Variants in STT3B observed in about 807,000 individuals in gnomAD.
STT3B encodes the protein dolichyl-diphosphooligosaccharide--protein glycosyltransferase subunit STT3B.
In STT3B, 29 loss-of-function variants were observed where a neutral mutation model predicts 96.8. The observed-to-expected ratio is 0.30, with a 90% CI of 0.22 to 0.41. The LOEUF (loss-of-function observed/expected upper bound fraction) is 0.41, where lower values mean the gene tolerates loss of function less well. Ranked by LOEUF, STT3B falls within the 10% of genes least tolerant of loss-of-function variation. STT3B has a pLI of 1.00. For synonymous variants in STT3B, 367 were observed against 360.0 expected, an observed-to-expected ratio of 1.02 and a Z score of -0.22; for missense variants, 640 against 1,022.3, an observed-to-expected ratio of 0.63 and a Z score of 5.10.
rs1473745345 is a variant in STT3B, at chr3:31,584,380, C to G, written c.711+4284C>G. On this transcript the variant is annotated intron_variant, in intron 3 of 15. Coordinates refer to ENST00000295770, the MANE Select transcript of STT3B (RefSeq NM_178862.3). ...GCATAAGTCCTTCAACTTTGTTGTT[C>G]TTTTTCAAGATTGCTTTGGCTATAT... Among the ~76,000 whole-genome samples the G allele has an allele frequency of 9.9e-5, 15 of 152,082 alleles. No homozygotes were observed. The East Asian group carries it at 2.7e-3, about 27-fold the overall frequency.
intron 3 of STT3B, among the ~76,000 whole-genome samples, chr3:31,583,331 T>C (rs1479451881): frequency 6.6e-6 from 1 of 152,098 alleles, no homozygotes; most frequent in Non-Finnish European, 1.5e-5. Context: ...ATTCAAAGTC[T>C]GTTTTTTCTT....
At chr3:31,573,589 A>G (rs564571200) in intron 1 of STT3B, among the ~76,000 whole-genome samples, 1 of 152,308 alleles carries the variant, frequency 6.6e-6, no homozygotes, top group Non-Finnish European at 1.5e-5. Flanking sequence ...CGGTAAGAGA[A>G]TACTGAAAGC....
chr3:31,617,759 A>G (rs1345956406), intron 7 of STT3B, among the ~76,000 whole-genome samples, 181 bp from the exon 8 acceptor site: 1 of 152,014 alleles, frequency 6.6e-6, no homozygotes, highest in Non-Finnish European at 1.5e-5. Flanking sequence ...TTTTTATTTG[A>G]TCACTACCTT....
intron 1 of STT3B, among the ~76,000 whole-genome samples, chr3:31,571,607 G>A (rs1454657403): frequency 1.3e-5 from 2 of 152,070 alleles, no homozygotes; most frequent in African/African-American, 4.8e-5. Flanking sequence ...TCTGTTACCT[G>A]TGATGTGTGA....
At chr3:31,587,318 T>A (rs993284966) in intron 3 of STT3B, among the ~76,000 whole-genome samples, 6 of 152,100 alleles carry the variant, frequency 3.9e-5, no homozygotes, top group African/African-American at 1.4e-4. Context: ...CCCCCAGCCC[T>A]TAGCAACCGG....
rs1011999451 is a variant in STT3B, at chr3:31,565,007, A to G, written c.315-11389A>G. On this transcript the variant is annotated intron_variant, in intron 1 of 15. Coordinates refer to ENST00000295770, the MANE Select transcript of STT3B (RefSeq NM_178862.3). ...TCTTGGAAGATGTTGCAAATAATGG[A>G]CAATAGAAACAATAGGCTTAACCTT... is the stretch of plus-strand genomic sequence containing the variant. Among the ~76,000 whole-genome samples the G allele has an allele frequency of 7.2e-5, 11 of 152,306 alleles. No individual in the cohort carries two copies. The South Asian group carries it at 1.9e-3, about 26-fold the overall frequency.
intron 5 of STT3B, among the ~76,000 whole-genome samples, chr3:31,610,508 T>A (rs778463825): frequency 1.3e-5 from 2 of 152,198 alleles, no homozygotes; most frequent in Non-Finnish European, 2.9e-5. Flanking sequence ...GAGAAGGTAC[T>A]TAAAGATTGC....
chr3:31,565,136 G>A (rs1575416565), intron 1 of STT3B, among the ~76,000 whole-genome samples: 2 of 152,160 alleles, frequency 1.3e-5, no homozygotes, highest in East Asian at 1.9e-4. Flanking sequence ...GTTGATCCAT[G>A]TATAACGTGT....
intron 5 of STT3B, among the ~76,000 whole-genome samples, chr3:31,609,904 T>C (rs1699143400): frequency 6.6e-6 from 1 of 152,254 alleles, no homozygotes; most frequent in East Asian, 1.9e-4. Context: ...GTATCTCTAC[T>C]GAAGTGTTTT....
intron 5 of STT3B, among the ~76,000 whole-genome samples, chr3:31,607,908 T>C (rs1286507908): frequency 6.6e-6 from 1 of 152,112 alleles, no homozygotes; most frequent in Non-Finnish European, 1.5e-5. Flanking sequence ...CAGCATTTTA[T>C]TTAATATAGC....
intron 3 of STT3B, among the ~76,000 whole-genome samples, chr3:31,593,062 CA>C (rs534707711): frequency 2.1e-4 from 32 of 152,274 alleles, no homozygotes; most frequent in Non-Finnish European, 3.5e-4. Context: ...TCTGCCCGTG[CA>C]ATTATTGTCT....
chr3:31,570,470 T>C (rs760020888), intron 1 of STT3B, among the ~76,000 whole-genome samples: 22 of 152,106 alleles, frequency 1.4e-4, no homozygotes, highest in Non-Finnish European at 2.1e-4. Flanking sequence ...GAGATGATCG[T>C]ATGAAGAAGT....
Position 31,629,402 on chromosome 3 carries a change from A to G in STT3B, c.2178A>G (p.Gly726=). Residue 726 remains glycine, a synonymous_variant, in exon 14 of 16, where the codon GGA becomes GGG. Transcript: ENST00000295770. ...ATAAAATGTCATACTACAGATTTGG[A>G]GAAATGCAGGTTAGTTAAATCCATT... ...LMYKMSYYRF[G]EMQLDFRTPP... 6.4e-7 allele frequency: 1 copy of G among 1,567,896 alleles called. No individual in the cohort carries two copies. The highest frequency in any genetic ancestry group is 1.1e-5 in the South Asian group (1 of 87,278).
chr3:31,617,884 A>G (rs936303611), intron 7 of STT3B, 56 bp from the exon 8 acceptor site: 5 of 1,205,774 alleles, frequency 4.1e-6, no homozygotes, highest in Non-Finnish European at 6.2e-6. Context: ...AGGCAATAAA[A>G]GATTTACAAA....
At chr3:31,541,300 G>A (rs1215291823) in intron 1 of STT3B, among the ~76,000 whole-genome samples, 2 of 152,004 alleles carry the variant, frequency 1.3e-5, no homozygotes, top group Non-Finnish European at 1.5e-5. Context: ...TAGACGACCT[G>A]GTGTGTTTCT....
intron 1 of STT3B, among the ~76,000 whole-genome samples, chr3:31,543,520 A>G (rs1172735415): frequency 6.6e-6 from 1 of 152,220 alleles, no homozygotes; most frequent in African/African-American, 2.4e-5. Flanking sequence ...TGGTAACCAC[A>G]TTTTATGTTT....
chr3:31,552,719 C>T (rs888571742), intron 1 of STT3B, among the ~76,000 whole-genome samples: 2 of 152,154 alleles, frequency 1.3e-5, no homozygotes, highest in African/African-American at 2.4e-5. Context: ...AAGCCATCCA[C>T]GAGTCCTTTG....
At chr3:31,570,657 T>G (rs948785114) in intron 1 of STT3B, among the ~76,000 whole-genome samples, 2 of 152,182 alleles carry the variant, frequency 1.3e-5, no homozygotes, top group Non-Finnish European at 2.9e-5. Flanking sequence ...CCAAGTACCT[T>G]TTTTTAAAAA....
At chr3:31,600,664 G>GT (rs1187276058) in intron 5 of STT3B, among the ~76,000 whole-genome samples, 1 of 150,416 alleles carries the variant, frequency 6.6e-6, no homozygotes, top group Non-Finnish European at 1.5e-5. Flanking sequence ...TTTTTTTTTC[G>GT]TTTTTGTAGA....
Sources: gnomAD v4.1 joint callset for allele counts (sites outside exome capture counted in the v4.1 genomes callset) on GRCh38, gnomAD v4.1.1 for gene constraint, MANE v1.5 for transcripts, NCBI Gene and HGNC (gene_info 2026-07-23, HGNC 2026-07-21) for gene names.